TJP1: variants seen among roughly 807,000 people sequenced by gnomAD.
TJP1 encodes the protein tight junction protein ZO-1.
A neutral mutation model predicts 194.2 loss-of-function variants in TJP1; 43 were observed. The observed-to-expected ratio is 0.22, with a 90% CI of 0.17 to 0.29. The LOEUF (loss-of-function observed/expected upper bound fraction) is 0.29. TJP1 is among the 10% of genes least tolerant of loss of function. The pLI, the probability that TJP1 is intolerant of heterozygous loss-of-function variation, is 1.00. For synonymous variants in TJP1, 801 were observed against 779.0 expected (o/e 1.03, Z -0.47); for missense variants, 1,971 against 2,185.7 (o/e 0.90, Z 1.96).
intron 1 of TJP1, among the ~76,000 whole-genome samples, chr15:29,958,271 GA>G (rs2056020524): frequency 6.7e-6 from 1 of 149,596 alleles, no homozygotes; most frequent in Non-Finnish European, 1.5e-5. Flanking sequence ...TCAAGTGTTC[GA>G]AGTCTCTCTC....
At chr15:29,703,523 C>A (rs1344166030) in intron 27 of TJP1, among the ~76,000 whole-genome samples, 1 of 152,128 alleles carries the variant, frequency 6.6e-6, no homozygotes, top group Non-Finnish European at 1.5e-5. Context: ...GGAACAAAGT[C>A]ATTTTAATAA....
chr15:29,960,084 T>C (rs79453535), intron 1 of TJP1, among the ~76,000 whole-genome samples: 8,717 of 152,274 alleles, frequency 0.057, 367 homozygotes, highest in Admixed American at 0.12. Context: ...AAACATTTAA[T>C]ATAAATAAAT....
Position 29,901,166 on chromosome 15 carries a change from G to A in TJP1, c.306+55066C>T, listed in dbSNP as rs184215450. On this transcript the variant is annotated intron_variant, in intron 2 of 28. Transcript: ENST00000356107. ...AAGGGCATTGACGGAACGCTTACCC[G>A]CTACTGAATGATGATCACTTATTGT... Among the ~76,000 whole-genome samples, 22 of 152,272 alleles carry A rather than the reference G, an allele frequency of 1.4e-4. 1 individual carries two copies. The highest frequency in any genetic ancestry group is 4.8e-4 in the African/African-American group (20 of 41,558).
chr15:29,704,439 C>CA, intron 26 of TJP1, 134 bp from the exon 27 acceptor site: 2 of 1,010,856 alleles, frequency 2.0e-6, no homozygotes, highest in Non-Finnish European at 1.3e-6. Context: ...GCACTGACCA[C>CA]AAAAAAACGT....
intron 2 of TJP1, among the ~76,000 whole-genome samples, chr15:29,925,574 T>A (rs191209116): frequency 9.2e-5 from 14 of 152,328 alleles, no homozygotes; most frequent in Admixed American, 8.5e-4. Flanking sequence ...ACCAAGAGGC[T>A]GGGACATTAT....
At chr15:29,932,672 T>C (rs577849307) in intron 2 of TJP1, among the ~76,000 whole-genome samples, 1 of 152,264 alleles carries the variant, frequency 6.6e-6, no homozygotes, top group South Asian at 2.1e-4. Flanking sequence ...GTAAAATTAC[T>C]GACAAGAAGA....
At chr15:29,905,312 A>G (rs1332731499) in intron 2 of TJP1, among the ~76,000 whole-genome samples, 3 of 152,244 alleles carry the variant, frequency 2.0e-5, no homozygotes, top group Non-Finnish European at 4.4e-5. Flanking sequence ...GATAATTAGA[A>G]ACATGTGCAA....
intron 6 of TJP1, 47 bp from the exon 7 acceptor site, chr15:29,761,816 AAATGTT>A: frequency 1.4e-6 from 2 of 1,446,740 alleles, no homozygotes; most frequent in Non-Finnish European, 9.2e-7. Context: ...AATAAAATAC[AAATGTT>A]AACTTAGTTT....
chr15:29,720,142 C>A, intron 19 of TJP1, 126 bp from the exon 20 acceptor site: 1 of 1,341,802 alleles, frequency 7.5e-7, no homozygotes, highest in Non-Finnish European at 1.0e-6. Context: ...GACCTCATGT[C>A]CTAAACTTTT....
chr15:29,839,794 C>A (rs1401326367), intron 2 of TJP1, among the ~76,000 whole-genome samples: 26 of 152,148 alleles, frequency 1.7e-4, no homozygotes, highest in Admixed American at 1.7e-3. Flanking sequence ...ATGGTAAATT[C>A]ATTTTTAGTT....
intron 25 of TJP1, among the ~76,000 whole-genome samples, chr15:29,706,348 C>G (rs575453261): frequency 1.3e-5 from 2 of 152,140 alleles, no homozygotes; most frequent in South Asian, 4.2e-4. Context: ...TGAATTGCAA[C>G]CTGAAAGTGT....
At chr15:29,968,567 C>T in intron 1 of TJP1, 1 of 834,800 alleles carries the variant, frequency 1.2e-6, no homozygotes, top group African/African-American at 1.9e-5. Context: ...GCCTCGCCCC[C>T]CGCCCGACCG....
At chr15:29,885,874 C>T (rs2053099110) in intron 2 of TJP1, among the ~76,000 whole-genome samples, 1 of 152,106 alleles carries the variant, frequency 6.6e-6, no homozygotes, top group Non-Finnish European at 1.5e-5. Context: ...ATCTGTAGTA[C>T]TTAGAAACAG....
chr15:29,877,627 CTTCT>C (rs2052755614), intron 2 of TJP1, among the ~76,000 whole-genome samples: 1 of 146,652 alleles, frequency 6.8e-6, no homozygotes, highest in African/African-American at 2.5e-5. Context: ...CCTCCTCCTT[CTTCT>C]TTCTTCTTCT....
chr15:29,701,535 G>T lies in TJP1; in HGVS notation c.*60C>A. On this transcript the variant is annotated 3_prime_UTR_variant, in exon 28 of 28. Transcript: ENST00000614355. ...AAAAGGTATAATACTTGATAGAGTG[G>T]TTCCATTTAGATTAAGTTTAATCCA... The T allele has an allele frequency of 1.5e-6, 2 of 1,376,446 alleles. No homozygotes were observed. Among genetic ancestry groups the T allele is most frequent in the South Asian group, 1.2e-5 (1 of 84,452 alleles). 85.3% of individuals were successfully genotyped at this position (1,376,446 alleles called of 1,614,324 possible). A position where few individuals can be genotyped will look rare whatever the true frequency, so the allele number is the denominator to read the frequency against.
At chr15:29,758,288 T>C (rs915337625) in intron 8 of TJP1, among the ~76,000 whole-genome samples, 3 of 152,128 alleles carry the variant, frequency 2.0e-5, no homozygotes, top group South Asian at 2.1e-4. Flanking sequence ...ATGTATTGCC[T>C]GCTTCCGTCT....
chr15:29,945,133 T>C (rs1247837783), intron 2 of TJP1, among the ~76,000 whole-genome samples: 1 of 152,124 alleles, frequency 6.6e-6, no homozygotes, highest in Non-Finnish European at 1.5e-5. Flanking sequence ...GGTGAGTAAC[T>C]CCCCTCTGGT....
intron 21 of TJP1, 29 bp downstream of exon 21, chr15:29,718,237 T>C (rs772350777): frequency 6.2e-7 from 1 of 1,602,662 alleles, no homozygotes; most frequent in Non-Finnish European, 8.5e-7. Flanking sequence ...GGTGTGCCCA[T>C]GCATCCAAGG....
At chr15:29,724,085 G>A (rs969685511) in intron 18 of TJP1, among the ~76,000 whole-genome samples, 1 of 152,214 alleles carries the variant, frequency 6.6e-6, no homozygotes, top group Non-Finnish European at 1.5e-5. Flanking sequence ...GGCTCTGCAG[G>A]TCTGCTGTGC....
Sources: allele counts gnomAD v4.1 joint callset (sites outside exome capture counted in the v4.1 genomes callset), GRCh38; gene constraint gnomAD v4.1.1; transcripts MANE v1.5; gene names NCBI Gene and HGNC (gene_info 2026-07-23, HGNC 2026-07-21).